ZNF385D: variants seen among roughly 807,000 people sequenced by gnomAD.
ZNF385D encodes zinc finger protein 659.
ZNF385D carries 15 observed loss-of-function variants against 35.8 expected under a neutral mutation model. The ratio of observed to expected loss-of-function variants is 0.42; its 90% confidence interval spans 0.28 to 0.64. The LOEUF (loss-of-function observed/expected upper bound fraction) is 0.64, where lower values mean the gene tolerates loss of function less well. ZNF385D is among the 30% of genes least tolerant of loss of function. The pLI is 0.23. For missense variants in ZNF385D, 474 were observed against 494.6 expected, an observed-to-expected ratio of 0.96 and a Z score of 0.39; for synonymous variants, 212 against 186.8, an observed-to-expected ratio of 1.13 and a Z score of -1.10.
intron 3 of ZNF385D, among the ~76,000 whole-genome samples, chr3:22,030,907 A>G (rs776915962): frequency 6.6e-5 from 10 of 152,232 alleles, no homozygotes; most frequent in Non-Finnish European, 1.3e-4. Flanking sequence ...GGCATTAAGT[A>G]AAAGTTCCCA....
intron 3 of ZNF385D, among the ~76,000 whole-genome samples, chr3:22,028,099 G>C (rs1697680633): frequency 6.6e-6 from 1 of 152,140 alleles, no homozygotes; most frequent in Non-Finnish European, 1.5e-5. Context: ...TGGTTTGGCT[G>C]GATGGTCAGG....
chr3:21,580,650 A>G (rs1420165887), intron 2 of ZNF385D, among the ~76,000 whole-genome samples: 1 of 152,010 alleles, frequency 6.6e-6, no homozygotes, highest in Non-Finnish European at 1.5e-5. Flanking sequence ...CCTTCTCTGT[A>G]GGTTATCTTT....
intron 1 of ZNF385D, among the ~76,000 whole-genome samples, chr3:21,688,177 C>G (rs372272027): frequency 5.9e-5 from 9 of 152,138 alleles, no homozygotes; most frequent in African/African-American, 2.2e-4. Flanking sequence ...TTGAGGGGAA[C>G]AAACACATTA....
In ZNF385D at chr3:22,243,059, T is replaced by A. The variant is rs1699582321; in HGVS notation, c.107-74024A>T. 1.3e-5 allele frequency among the ~76,000 whole-genome samples: 2 copies of A among 151,064 alleles called. 1 individual carries two copies. The highest frequency in any genetic ancestry group is 4.3e-4 in the South Asian group (2 of 4,636). On this transcript the variant is annotated intron_variant, in intron 2 of 5. Transcript: ENST00000494108. ...AATTGGACTACATAAAAATTAAAAC[T>A]TCTGTGCATTAAATAGCACTATCAA...
intron 3 of ZNF385D, among the ~76,000 whole-genome samples, chr3:22,102,507 G>A (rs1256555124): frequency 6.6e-6 from 1 of 151,934 alleles, no homozygotes; most frequent in Non-Finnish European, 1.5e-5. Context: ...TTTAACTCAA[G>A]ATTTAATCTA....
At chr3:21,482,704 T>C (rs567438599) in intron 4 of ZNF385D, among the ~76,000 whole-genome samples, 1 of 152,322 alleles carries the variant, frequency 6.6e-6, no homozygotes, top group South Asian at 2.1e-4. Context: ...AACTCAAATG[T>C]AAGGCTTTGA....
intron 2 of ZNF385D, among the ~76,000 whole-genome samples, chr3:22,244,364 T>TAAAAAAAAAAAAAAAAAAA (rs34497539): frequency 1.6e-5 from 1 of 62,558 alleles, no homozygotes; most frequent in Non-Finnish European, 3.1e-5. Context: ...CAACCGAATG[T>TAAAAAAAAAAAAAAAAAAA]AAAAAAAAAA....
At chr3:21,851,943 T>G (rs2125811548) in intron 3 of ZNF385D, among the ~76,000 whole-genome samples, 1 of 152,220 alleles carries the variant, frequency 6.6e-6, no homozygotes, top group Middle Eastern at 3.4e-3. Context: ...CTTGTTGCCC[T>G]GTTACAATTT....
At chr3:22,257,725 A>G (rs1254628899) in intron 2 of ZNF385D, among the ~76,000 whole-genome samples, 1 of 151,802 alleles carries the variant, frequency 6.6e-6, no homozygotes, top group Admixed American at 6.6e-5. Context: ...TTTAACTCAT[A>G]CTATCACTTT....
intron 3 of ZNF385D, among the ~76,000 whole-genome samples, chr3:21,928,924 T>C (rs765910444): frequency 1.3e-5 from 2 of 152,270 alleles, no homozygotes; most frequent in Non-Finnish European, 1.5e-5. Flanking sequence ...ACCAATCCTA[T>C]GCAAACTCTT....
At chr3:22,008,812 G>C (rs1212162135) in intron 3 of ZNF385D, among the ~76,000 whole-genome samples, 1 of 152,188 alleles carries the variant, frequency 6.6e-6, no homozygotes, top group East Asian at 1.9e-4. Context: ...TAAAAATACT[G>C]CAAGTCAAGA....
chr3:22,081,991 A>ATTTTT (rs67970020), intron 3 of ZNF385D, among the ~76,000 whole-genome samples: 1 of 133,344 alleles, frequency 7.5e-6, no homozygotes, highest in East Asian at 2.3e-4. Context: ...GGGGTTTTCT[A>ATTTTT]TTTTTTTTTT....
At chr3:21,766,606 G>C (rs1226853008) in intron 3 of ZNF385D, among the ~76,000 whole-genome samples, 9 of 152,118 alleles carry the variant, frequency 5.9e-5, no homozygotes, top group Admixed American at 4.6e-4. Context: ...CAGTAGAATA[G>C]AGAACATTTA....
chr3:22,117,574 A>ATT (rs140745942), intron 3 of ZNF385D, among the ~76,000 whole-genome samples: 2 of 149,514 alleles, frequency 1.3e-5, no homozygotes, highest in African/African-American at 4.9e-5. Flanking sequence ...TTATTCCACT[A>ATT]TTTTTTTTTT....
chr3:22,117,892 T>A (rs150474363), intron 3 of ZNF385D, among the ~76,000 whole-genome samples: 8 of 152,184 alleles, frequency 5.3e-5, no homozygotes, highest in Middle Eastern at 3.4e-3. Context: ...TTTAAAAACG[T>A]AATTTCATGT....
chr3:21,484,862 T>C (rs374339885), intron 4 of ZNF385D, among the ~76,000 whole-genome samples: 8 of 152,238 alleles, frequency 5.3e-5, no homozygotes, highest in African/African-American at 1.9e-4. Context: ...CTGAACCCAT[T>C]GGTACTTCTA....
chr3:21,479,312 A>G (rs1478072), intron 4 of ZNF385D, among the ~76,000 whole-genome samples: 52,463 of 151,708 alleles, frequency 0.35, 9,698 homozygotes, highest in East Asian at 0.44. Flanking sequence ...TTTTCTTCTC[A>G]GAACTGATCC....
intron 2 of ZNF385D, among the ~76,000 whole-genome samples, chr3:22,353,506 G>C (rs1280224747): frequency 1.3e-5 from 2 of 152,114 alleles, no homozygotes; most frequent in Non-Finnish European, 2.9e-5. Context: ...TGATATAATT[G>C]CTTGCTATGT....
At chr3:21,466,172 A>T (rs548056320) in intron 4 of ZNF385D, among the ~76,000 whole-genome samples, 1 of 152,082 alleles carries the variant, frequency 6.6e-6, no homozygotes, top group Non-Finnish European at 1.5e-5. Flanking sequence ...TGCATGATCA[A>T]TCTTTACCTT....
Sources: gnomAD v4.1 joint callset for allele counts (sites outside exome capture counted in the v4.1 genomes callset) on GRCh38, gnomAD v4.1.1 for gene constraint, MANE v1.5 for transcripts, NCBI Gene and HGNC (gene_info 2026-07-23, HGNC 2026-07-21) for gene names.